The following ARID4B variants were observed in gnomAD, a reference collection of about 807,000 sequenced individuals.
ARID4B encodes the protein AT-rich interaction domain 4B, also known as AT-rich interactive domain-containing protein 4B.
A neutral mutation model predicts 147.5 loss-of-function variants in ARID4B; 26 were observed. The ratio of observed to expected loss-of-function variants is 0.18; its 90% CI spans 0.13 to 0.24. The LOEUF (loss-of-function observed/expected upper bound fraction) is 0.24, where lower values mean the gene tolerates loss of function less well. Among genes scored for constraint, ARID4B ranks in the 10% least tolerant of loss-of-function variants. ARID4B has a pLI of 1.00. For missense variants in ARID4B, 1,179 were observed against 1,511.5 expected (o/e 0.78, Z 3.65); for synonymous variants, 512 against 507.9 (o/e 1.01, Z -0.11).
intron 17 of ARID4B, among the ~76,000 whole-genome samples, chr1:235,205,140 G>T (rs749852457): frequency 6.6e-6 from 1 of 151,866 alleles, no homozygotes; most frequent in Non-Finnish European, 1.5e-5. Flanking sequence ...AAAATGAGTA[G>T]AACAACTTTG....
chr1:235,175,252 T>C lies in ARID4B; in HGVS notation c.3596A>G (p.Asp1199Gly), dbSNP rs756841820. The C allele has an allele frequency of 6.2e-6, 10 of 1,614,226 alleles. No homozygotes were observed. The highest frequency in any genetic ancestry group is 5.0e-5 in the Admixed American group (3 of 60,030). Reference protein sequence around the residue: ...QSPGKCGKNGDKDPDLKEPSN... With the variant: ...QSPGKCGKNGGKDPDLKEPSN... ...GGGTTCCTTGAGATCAGGATCCTTA[T>C]CACCATTCTTTCCACATTTTCCTGG... The change falls in exon 22 of 24, where the codon GAT (aspartate) becomes GGT (glycine). Residue 1199 changes from aspartate (D) to glycine (G), a missense_variant. Asp to Gly is a moderately conservative substitution (Grantham distance 94, BLOSUM62 -1). Transcript: ENST00000264183.
intron 2 of ARID4B, among the ~76,000 whole-genome samples, chr1:235,280,027 C>T (rs1671566833): frequency 1.3e-5 from 2 of 152,162 alleles, no homozygotes; most frequent in African/African-American, 4.8e-5. Context: ...CAGCCGTAAA[C>T]ATGACTAATA....
In ARID4B at chr1:235,219,962, T is replaced by C. The variant is rs901450656; in HGVS notation, c.1414A>G (p.Lys472Glu). Reference protein sequence around the residue: ...KENIKPSLGSKKNLLESIPTH... With the variant: ...KENIKPSLGSEKNLLESIPTH... ...GGTATAGATTCTAATAAATTCTTTT[T>C]ACTTCCCTAGAAAAAGATCAGAGGA... Residue 472 changes from lysine (K) to glutamate (E), a missense_variant, in exon 16 of 24, where the codon AAA becomes GAA. Around this residue, in one of 10 missense-constraint regions of ARID4B, gnomAD observed 204 missense variants for 210.9 expected, o/e 0.97. Coordinates refer to ENST00000264183, the MANE Select transcript of ARID4B (RefSeq NM_016374.6). 4.6e-6 allele frequency: 7 copies of C among 1,536,352 alleles called. No homozygotes were observed. The highest frequency in any genetic ancestry group is 1.4e-5 in the African/African-American group (1 of 70,934).
intron 6 of ARID4B, among the ~76,000 whole-genome samples, chr1:235,247,241 G>T (rs1232403794): frequency 6.6e-6 from 1 of 152,084 alleles, no homozygotes; most frequent in East Asian, 1.9e-4. Flanking sequence ...GAAAATAAAA[G>T]TGAGGAACTA....
intron 2 of ARID4B, among the ~76,000 whole-genome samples, chr1:235,265,702 A>G (rs1338190646): frequency 2.6e-5 from 4 of 152,124 alleles, no homozygotes; most frequent in Middle Eastern, 3.4e-3. Context: ...GTCTCAAAAA[A>G]AAAAGAAAAG....
chr1:235,263,836 T>A (rs557959822), intron 2 of ARID4B, among the ~76,000 whole-genome samples: 4 of 147,470 alleles, frequency 2.7e-5, no homozygotes, highest in Admixed American at 6.7e-5. Flanking sequence ...AAAAAAAAAA[T>A]ACAAAAAAAT....
chr1:235,249,759 G>A (rs1301203302), intron 6 of ARID4B, among the ~76,000 whole-genome samples: 1 of 151,208 alleles, frequency 6.6e-6, no homozygotes, highest in Admixed American at 6.6e-5. Flanking sequence ...GGCCAACATG[G>A]TGAAACCCCG....
chr1:235,327,016 T>A, intron 1 of ARID4B, 48 bp from the exon 2 acceptor site: 1 of 1,296,312 alleles, frequency 7.7e-7, no homozygotes, highest in African/African-American at 1.5e-5. Context: ...GGAGCCCCTC[T>A]GCACTGGCGG....
chr1:235,217,151 CA>C (rs1667144269), intron 16 of ARID4B, among the ~76,000 whole-genome samples: 1 of 152,078 alleles, frequency 6.6e-6, no homozygotes, highest in African/African-American at 2.4e-5. Context: ...TAAAAATATA[CA>C]TTTAATATCA....
intron 9 of ARID4B, among the ~76,000 whole-genome samples, chr1:235,232,297 G>C (rs1295560724): frequency 6.6e-6 from 1 of 152,114 alleles, no homozygotes; most frequent in East Asian, 1.9e-4. Context: ...GTGCATGCCT[G>C]TAGTCCCAGC....
chr1:235,242,555 T>G (rs1049283267), intron 7 of ARID4B, among the ~76,000 whole-genome samples: 1 of 152,212 alleles, frequency 6.6e-6, no homozygotes, highest in African/African-American at 2.4e-5. Flanking sequence ...TAGGGGTTTA[T>G]GAACACTCTA....
chr1:235,258,831 T>G (rs781659961), intron 3 of ARID4B, among the ~76,000 whole-genome samples: 8 of 152,198 alleles, frequency 5.3e-5, no homozygotes, highest in Non-Finnish European at 8.8e-5. Context: ...ATAAGCTACT[T>G]ACAGATGGAG....
chr1:235,231,979 G>A (rs1668268003), intron 9 of ARID4B, among the ~76,000 whole-genome samples: 1 of 152,220 alleles, frequency 6.6e-6, no homozygotes, highest in African/African-American at 2.4e-5. Context: ...AATTAGCCAG[G>A]AGTGGTGGCA....
chr1:235,307,269 C>A (rs1433630901), intron 2 of ARID4B, among the ~76,000 whole-genome samples: 1 of 151,970 alleles, frequency 6.6e-6, no homozygotes, highest in East Asian at 1.9e-4. Flanking sequence ...CACAGTGAGG[C>A]CACAGCACTA....
chr1:235,167,820 C>A lies in ARID4B; in HGVS notation c.*705G>T, dbSNP rs909219146. The A allele has an allele frequency of 2.1e-5, 4 of 193,520 alleles. No homozygotes were observed. Among genetic ancestry groups the A allele is most frequent in the African/African-American group, 9.3e-5 (4 of 43,082 alleles). The allele number at this position is 193,520 out of a possible 1,614,324, so 12.0% of individuals were successfully genotyped here. On this transcript the variant is annotated 3_prime_UTR_variant, in exon 24 of 24. Coordinates refer to ENST00000264183, the MANE Select transcript of ARID4B (RefSeq NM_016374.6). Reference sequence around the variant, plus strand: ...TTTTCTTTTTTCACACAATGTATATCAAAATTAAAAAAAAATACTGATTTA... The same window carrying A: ...TTTTCTTTTTTCACACAATGTATATAAAAATTAAAAAAAAATACTGATTTA...
chr1:235,264,529 C>G (rs915760965), intron 2 of ARID4B, among the ~76,000 whole-genome samples: 1 of 152,200 alleles, frequency 6.6e-6, no homozygotes, highest in Admixed American at 6.5e-5. Context: ...CTACTCCTTA[C>G]ACCAACTAGA....
intron 17 of ARID4B, among the ~76,000 whole-genome samples, chr1:235,196,816 C>T (rs1295383884): frequency 1.4e-5 from 2 of 138,954 alleles, no homozygotes; most frequent in East Asian, 4.2e-4. Context: ...CGCGCCACTG[C>T]ACTCCAGCCT....
intron 5 of ARID4B, among the ~76,000 whole-genome samples, chr1:235,253,721 T>C (rs1208249222): frequency 6.6e-6 from 1 of 152,184 alleles, no homozygotes; most frequent in Admixed American, 6.5e-5. Context: ...TATGCATAAA[T>C]CTGTGATATA....
intron 6 of ARID4B, among the ~76,000 whole-genome samples, chr1:235,249,521 C>T (rs1045504757): frequency 6.6e-6 from 1 of 151,976 alleles, no homozygotes; most frequent in Non-Finnish European, 1.5e-5. Context: ...TGAGGCTGGG[C>T]GTGGTGGCTC....
Sources: gnomAD v4.1 joint callset for allele counts (sites outside exome capture counted in the v4.1 genomes callset) on GRCh38, gnomAD v4.1.1 for gene constraint, gnomAD v4.1.1 regional missense constraint, MANE v1.5 for transcripts, NCBI Gene and HGNC (gene_info 2026-07-23, HGNC 2026-07-21) for gene names.